Variants in CBFA2T3 observed in about 807,000 individuals in gnomAD.
The protein encoded by CBFA2T3 is CBFA2/RUNX1 partner transcriptional co-repressor 3, also known as transcriptional corepressor CBFA2T3.
Under a neutral mutation model 58.6 loss-of-function variants are expected in CBFA2T3, and 31 were observed. The ratio of observed to expected loss-of-function variants is 0.53; its 90% CI spans 0.40 to 0.71. The LOEUF (loss-of-function observed/expected upper bound fraction) is 0.71, where lower values mean the gene tolerates loss of function less well. Ranked by LOEUF, CBFA2T3 falls within the 30% of genes least tolerant of loss-of-function variation. The probability of loss-of-function intolerance (pLI) is 0.00; values close to 1 mark genes in which losing one functional copy is unlikely to be tolerated. For synonymous variants in CBFA2T3, 531 were observed against 421.9 expected, an observed-to-expected ratio of 1.26 and a Z score of -3.17; for missense variants, 1,076 against 963.1, an observed-to-expected ratio of 1.12 and a Z score of -1.55.
intron 1 of CBFA2T3, among the ~76,000 whole-genome samples, chr16:88,974,082 C>T (rs1211360635): frequency 6.6e-6 from 1 of 152,188 alleles, no homozygotes; most frequent in African/African-American, 2.4e-5. Flanking sequence ...ACTTCTCTGC[C>T]TCAGCCTACA....
intron 11 of CBFA2T3, among the ~76,000 whole-genome samples, chr16:88,878,802 C>T (rs1487673534): frequency 3.3e-5 from 5 of 152,206 alleles, no homozygotes; most frequent in Non-Finnish European, 1.5e-5. Context: ...AAAAATTAGC[C>T]AGGTGTGGTG....
intron 1 of CBFA2T3, among the ~76,000 whole-genome samples, chr16:88,916,562 A>C (rs1481806151): frequency 7.1e-6 from 1 of 141,536 alleles, no homozygotes; most frequent in Non-Finnish European, 1.5e-5. Flanking sequence ...GCTGCAGAAC[A>C]CTCCGGCCTG....
At position 88,901,484 on chromosome 16, in the gene CBFA2T3, G is replaced by T; in HGVS notation, c.304+20C>A. The T allele has an allele frequency of 1.4e-6, 2 of 1,403,198 alleles. No individual in the cohort carries two copies. Among genetic ancestry groups the T allele is most frequent in the Non-Finnish European group, 1.9e-6 (2 of 1,057,972 alleles). The allele number at this position is 1,403,198 out of a possible 1,614,324, so 86.9% of individuals were successfully genotyped here. Reference sequence around the variant, plus strand: ...CCCCTGAAACACCTGGCCCTCGGCTGCCAGGTGGGGGCTACTTACGTGTGT... The same window carrying T: ...CCCCTGAAACACCTGGCCCTCGGCTTCCAGGTGGGGGCTACTTACGTGTGT... On this transcript the variant is annotated intron_variant, in intron 2 of 11. Coordinates refer to ENST00000268679, the MANE Select transcript of CBFA2T3 (RefSeq NM_005187.6).
intron 1 of CBFA2T3, 70 bp from the exon 2 acceptor site, chr16:88,901,726 C>A: frequency 7.2e-7 from 1 of 1,382,960 alleles, no homozygotes; most frequent in Admixed American, 3.2e-5. Flanking sequence ...CGCAGCCCCA[C>A]GGTTCCCAGC....
intron 1 of CBFA2T3, chr16:88,951,061 G>T: frequency 2.6e-6 from 1 of 386,418 alleles, no homozygotes; most frequent in Admixed American, 2.6e-5. Context: ...CCTGTCTTCC[G>T]GATCTGTTCA....
intron 8 of CBFA2T3, 118 bp from the exon 9 acceptor site, chr16:88,881,607 G>GT: frequency 1.9e-6 from 2 of 1,033,292 alleles, no homozygotes; most frequent in Non-Finnish European, 2.8e-6. Context: ...CCCACCGCCC[G>GT]TGAGAGTAAG....
chr16:88,970,188 C>T (rs1290683313), intron 1 of CBFA2T3, among the ~76,000 whole-genome samples: 2 of 151,880 alleles, frequency 1.3e-5, no homozygotes, highest in Admixed American at 6.6e-5. Context: ...CTCCAGGAGG[C>T]GGTGGCGGCG....
At chr16:88,905,620 T>C (rs1970281546) in intron 1 of CBFA2T3, among the ~76,000 whole-genome samples, 2 of 138,658 alleles carry the variant, frequency 1.4e-5, no homozygotes, top group Admixed American at 1.4e-4. Context: ...AGAGCAAAGA[T>C]GGAAGTGGGG....
At chr16:88,908,380 A>G (rs1597710722) in intron 1 of CBFA2T3, among the ~76,000 whole-genome samples, 1 of 151,308 alleles carries the variant, frequency 6.6e-6, no homozygotes, top group Admixed American at 6.6e-5. Flanking sequence ...AAATTCCCAG[A>G]CCCTGGAGGC....
At chr16:88,890,524 G>A (rs1024055732) in intron 5 of CBFA2T3, among the ~76,000 whole-genome samples, 3 of 152,162 alleles carry the variant, frequency 2.0e-5, no homozygotes, top group Admixed American at 6.5e-5. Context: ...ACACGTGCTC[G>A]GCAGAGAAGG....
chr16:88,960,438 C>T (rs1371924653), intron 1 of CBFA2T3, among the ~76,000 whole-genome samples: 1 of 152,224 alleles, frequency 6.6e-6, no homozygotes, highest in African/African-American at 2.4e-5. Context: ...GGGAGTGTCA[C>T]ATTTGAACAC....
chr16:88,922,268 C>T (rs1299736530), intron 1 of CBFA2T3, among the ~76,000 whole-genome samples: 3 of 152,250 alleles, frequency 2.0e-5, no homozygotes, highest in Admixed American at 2.0e-4. Context: ...TCTAAGGATG[C>T]GGAGATGGCC....
intron 3 of CBFA2T3, among the ~76,000 whole-genome samples, chr16:88,894,693 G>A (rs1969816952): frequency 2.0e-5 from 3 of 152,234 alleles, no homozygotes; most frequent in South Asian, 4.1e-4. Flanking sequence ...CTCTCCAGGG[G>A]ATCCACCCCT....
intron 1 of CBFA2T3, among the ~76,000 whole-genome samples, chr16:88,942,817 C>G (rs1455500309): frequency 6.6e-6 from 1 of 150,648 alleles, no homozygotes; most frequent in African/African-American, 2.5e-5. Context: ...GCCCATGTGG[C>G]TCAGCCCAGT....
chr16:88,904,610 T>A (rs1970232328), intron 1 of CBFA2T3, among the ~76,000 whole-genome samples: 1 of 152,234 alleles, frequency 6.6e-6, no homozygotes. Context: ...GGAGGCCCCG[T>A]GCCTGAGGAA....
chr16:88,926,970 C>T (rs944154225), intron 1 of CBFA2T3, among the ~76,000 whole-genome samples: 1 of 152,100 alleles, frequency 6.6e-6, no homozygotes, highest in African/African-American at 2.4e-5. Flanking sequence ...CTGGAGGTGG[C>T]GGCACACTCC....
chr16:88,876,204 G>A lies in CBFA2T3; in HGVS notation c.*772C>T, dbSNP rs1597648880. On this transcript the variant is annotated 3_prime_UTR_variant, in exon 12 of 12. Coordinates refer to ENST00000268679, the MANE Select transcript of CBFA2T3 (RefSeq NM_005187.6). ...TCCGGTATCCTTGGCTGGCTAGCTA[G>A]CAAGGTAGTTCACAAGTATGCTTCC... 4.3e-6 allele frequency: 1 copy of A among 231,424 alleles called. No homozygotes were observed. The highest frequency in any genetic ancestry group is 6.1e-5 in the East Asian group (1 of 16,292). 14.3% of individuals were successfully genotyped at this position (231,424 alleles called of 1,614,324 possible).
chr16:88,891,854 G>C (rs751608343), intron 5 of CBFA2T3, 28 bp downstream of exon 5: 1 of 1,540,476 alleles, frequency 6.5e-7, no homozygotes, highest in Non-Finnish European at 9.0e-7. Context: ...GGAGGCTCCC[G>C]CAGCACGGGG....
At chr16:88,888,606 A>AGGGGGTGGGGTGGGGTGGGGGGGGGGGGG (rs1969495390) in intron 5 of CBFA2T3, among the ~76,000 whole-genome samples, 1 of 3,680 alleles carries the variant, frequency 2.7e-4, no homozygotes, top group Non-Finnish European at 4.9e-4. Flanking sequence ...GGTGGGTGGG[A>AGGGGGTGGGGTGGGGTGGGGGGGGGGGGG]GGGGTGGGGT....
Sources: gnomAD v4.1 joint callset for allele counts (sites outside exome capture counted in the v4.1 genomes callset) on GRCh38, gnomAD v4.1.1 for gene constraint, MANE v1.5 for transcripts, NCBI Gene and HGNC (gene_info 2026-07-23, HGNC 2026-07-21) for gene names.